CTNNA2: variants seen among roughly 807,000 people sequenced by gnomAD.
CTNNA2 encodes catenin alpha 2.
In CTNNA2, 42 loss-of-function variants were observed where a neutral mutation model predicts 101.0. That is an observed-to-expected ratio of 0.42 (90% CI 0.32 to 0.54). CTNNA2 has a LOEUF of 0.54. Among genes scored for constraint, CTNNA2 ranks in the 20% least tolerant of loss-of-function variants. CTNNA2 has a pLI of 0.14. For synonymous variants in CTNNA2, 450 were observed against 456.4 expected, an observed-to-expected ratio of 0.99 and a Z score of 0.18; for missense variants, 871 against 1,223.1, an observed-to-expected ratio of 0.71 and a Z score of 4.29.
At chr2:80,294,463 CATGGAG>C (rs1675553637) in intron 7 of CTNNA2, among the ~76,000 whole-genome samples, 1 of 151,572 alleles carries the variant, frequency 6.6e-6, no homozygotes. Flanking sequence ...GCCCTGACCC[CATGGAG>C]CCCTGACCCC....
rs1356480418 is a variant in CTNNA2, at chr2:79,840,644, C to T, written c.299-17369C>T. Among the ~76,000 whole-genome samples, 7 of 152,078 alleles carry T rather than the reference C, an allele frequency of 4.6e-5. No individual in the cohort carries two copies. The South Asian group carries it at 8.3e-4, about 18-fold the overall frequency. On this transcript the variant is annotated intron_variant, in intron 3 of 18. Coordinates refer to ENST00000402739, the MANE Select transcript of CTNNA2 (RefSeq NM_001282597.3). Reference sequence around the variant, plus strand: ...TAATGATGGCATTTTTTTAAAGGCTCCACTTCTTGGCTGGGTACAGTAGCT... The same window carrying T: ...TAATGATGGCATTTTTTTAAAGGCTTCACTTCTTGGCTGGGTACAGTAGCT...
chr2:79,939,232 C>A (rs528794270), intron 7 of CTNNA2, among the ~76,000 whole-genome samples: 22 of 151,874 alleles, frequency 1.4e-4, no homozygotes, highest in African/African-American at 5.3e-4. Flanking sequence ...GTGTTGAGTG[C>A]CTGATTGTGT....
At chr2:80,517,670 T>C (rs1190469553) in intron 9 of CTNNA2, among the ~76,000 whole-genome samples, 1 of 152,194 alleles carries the variant, frequency 6.6e-6, no homozygotes, top group African/African-American at 2.4e-5. Flanking sequence ...AGAGAATGTC[T>C]AGAGCCGAGA....
chr2:79,753,905 G>A (rs1362879626), intron 3 of CTNNA2, among the ~76,000 whole-genome samples: 2 of 122,808 alleles, frequency 1.6e-5, no homozygotes, highest in Admixed American at 2.1e-4. Flanking sequence ...GTCTTGCTCT[G>A]TCACCCAGGT....
rs185835277 is a variant in CTNNA2 at position 79,874,932 on chromosome 2, A to G, written c.852+590A>G. ...CGATCATCTTTATTATTAAAGGGGC[A>G]CATGTTATGGGCAGCCTAGATGTAC... On this transcript the variant is annotated intron_variant, in intron 6 of 18. Transcript: ENST00000402739. Among the ~76,000 whole-genome samples the G allele has an allele frequency of 2.2e-3, 342 of 152,368 alleles. 3 individuals are homozygous for G. Among genetic ancestry groups the G allele is most frequent in the African/African-American group, 7.8e-3 (324 of 41,590 alleles).
chr2:80,142,031 T>C (rs1312660532), intron 7 of CTNNA2, among the ~76,000 whole-genome samples: 1 of 152,050 alleles, frequency 6.6e-6, no homozygotes. Context: ...CTGAATTTCT[T>C]CCTGAGGGGC....
intron 6 of CTNNA2, among the ~76,000 whole-genome samples, chr2:79,894,041 CTTCTTCTTCTTCTTCTTCT>C (rs1558619530): frequency 1.7e-4 from 25 of 146,088 alleles, no homozygotes; most frequent in Admixed American, 3.4e-4. Flanking sequence ...TCTTCTTCTT[CTTCTTCTTCTTCTTCTTCT>C]TCTTCCTCCT....
intron 4 of CTNNA2, among the ~76,000 whole-genome samples, chr2:79,491,829 C>T (rs1402593337): frequency 6.6e-6 from 1 of 152,060 alleles, no homozygotes; most frequent in African/African-American, 2.4e-5. Context: ...AAGAAGATGG[C>T]CCTGTTCTTA....
At chr2:79,996,405 T>A (rs1197628429) in intron 7 of CTNNA2, among the ~76,000 whole-genome samples, 1 of 152,268 alleles carries the variant, frequency 6.6e-6, no homozygotes, top group Non-Finnish European at 1.5e-5. Context: ...ATAATTCTGA[T>A]TTGAGATCCA....
chr2:79,742,503 ATGTGCT>A (rs1326599818), intron 2 of CTNNA2, among the ~76,000 whole-genome samples: 2 of 152,296 alleles, frequency 1.3e-5, no homozygotes, highest in Non-Finnish European at 2.9e-5. Context: ...TAGGGGACTT[ATGTGCT>A]TGTTTCCAGG....
intron 9 of CTNNA2, among the ~76,000 whole-genome samples, chr2:80,524,050 G>A (rs1689813859): frequency 2.0e-5 from 3 of 152,112 alleles, no homozygotes; most frequent in South Asian, 4.1e-4. Context: ...GTGTAGTCCT[G>A]ACAAAAGCAT....
intron 3 of CTNNA2, among the ~76,000 whole-genome samples, chr2:79,341,470 G>A (rs1558635822): frequency 6.6e-6 from 1 of 152,148 alleles, no homozygotes; most frequent in Non-Finnish European, 1.5e-5. Context: ...GTGTTATGCA[G>A]ACCTGGGTTT....
chr2:80,124,506 T>G (rs1480543981), intron 7 of CTNNA2, among the ~76,000 whole-genome samples: 1 of 152,170 alleles, frequency 6.6e-6, no homozygotes, highest in Non-Finnish European at 1.5e-5. Flanking sequence ...CTTCATATTC[T>G]TTATAAAATA....
intron 7 of CTNNA2, among the ~76,000 whole-genome samples, chr2:80,048,392 T>C (rs1696663931): frequency 6.6e-6 from 1 of 152,208 alleles, no homozygotes; most frequent in South Asian, 2.1e-4. Flanking sequence ...AAAGTGCATT[T>C]AATTTAATGA....
chr2:79,675,759 AGTT>A (rs1683143400), intron 2 of CTNNA2, among the ~76,000 whole-genome samples: 1 of 152,218 alleles, frequency 6.6e-6, no homozygotes, highest in Admixed American at 6.5e-5. Flanking sequence ...GGCATGTAGT[AGTT>A]ACTGAATAAG....
chr2:80,283,147 A>G (rs1674514176), intron 7 of CTNNA2, among the ~76,000 whole-genome samples: 1 of 152,120 alleles, frequency 6.6e-6, no homozygotes, highest in Non-Finnish European at 1.5e-5. Context: ...TAATCATCAA[A>G]TAAATTGCAA....
At chr2:79,832,316 T>C (rs1475678480) in intron 3 of CTNNA2, among the ~76,000 whole-genome samples, 1 of 152,184 alleles carries the variant, frequency 6.6e-6, no homozygotes, top group Non-Finnish European at 1.5e-5. Context: ...CTGACTTGGA[T>C]TGTGGCCTCT....
At chr2:80,008,503 A>G (rs138606537) in intron 7 of CTNNA2, among the ~76,000 whole-genome samples, 14 of 152,232 alleles carry the variant, frequency 9.2e-5, no homozygotes, top group Non-Finnish European at 1.6e-4. Context: ...TTGCACATCA[A>G]CTTCTCTTCT....
chr2:79,243,445 A>G (rs1674660640), intron 2 of CTNNA2, among the ~76,000 whole-genome samples: 1 of 152,328 alleles, frequency 6.6e-6, no homozygotes, highest in East Asian at 1.9e-4. Context: ...GAGGGGTCAC[A>G]GGATCTGAAT....
Sources: allele counts gnomAD v4.1 joint callset (sites outside exome capture counted in the v4.1 genomes callset), GRCh38; gene constraint gnomAD v4.1.1; transcripts MANE v1.5; gene names NCBI Gene and HGNC (gene_info 2026-07-23, HGNC 2026-07-21).